The following STRBP variants were observed in gnomAD, a reference collection of about 807,000 sequenced individuals.
STRBP encodes spermatid perinuclear RNA-binding protein.
In STRBP, 13 loss-of-function variants were observed where a neutral mutation model predicts 80.1. The observed-to-expected ratio is 0.16, with a 90% CI of 0.11 to 0.26. The LOEUF is 0.26. STRBP is among the 10% of genes least tolerant of loss of function. The pLI is 1.00. For missense variants in STRBP, 485 were observed against 815.2 expected, an observed-to-expected ratio of 0.59 and a Z score of 4.93; for synonymous variants, 284 against 291.2, an observed-to-expected ratio of 0.98 and a Z score of 0.25.
intron 2 of STRBP, among the ~76,000 whole-genome samples, chr9:123,208,977 C>T (rs534470557): frequency 6.6e-6 from 1 of 152,292 alleles, no homozygotes; most frequent in Admixed American, 6.5e-5. Context: ...GGTTAGGTGA[C>T]ATGCTCTGCT....
chr9:123,116,921 T>A (rs1392459094), downstream of STRBP, among the ~76,000 whole-genome samples: 2 of 152,240 alleles, frequency 1.3e-5, no homozygotes, highest in African/African-American at 4.8e-5. Flanking sequence ...AGGGCTGCTG[T>A]TACCTCTAAA....
At chr9:123,179,705 C>G (rs1023801118) in intron 3 of STRBP, among the ~76,000 whole-genome samples, 1 of 152,152 alleles carries the variant, frequency 6.6e-6, no homozygotes, top group African/African-American at 2.4e-5. Context: ...GATCACACCA[C>G]TGCATTCCAG....
chr9:123,178,943 C>T (rs981023921), intron 4 of STRBP, 64 bp downstream of exon 4: 13 of 1,507,258 alleles, frequency 8.6e-6, no homozygotes, highest in East Asian at 4.6e-5. Flanking sequence ...ACACTCAATC[C>T]AGCAGACCTT....
chr9:123,112,127 C>A (rs1439935530), intron 3 of STRBP: 1 of 167,004 alleles, frequency 6.0e-6, no homozygotes, highest in Admixed American at 6.5e-5. Flanking sequence ...GTAGCCCTCG[C>A]CTCCTGACTC....
At chr9:123,137,189 ATAAT>A (rs1330147249) in intron 14 of STRBP, among the ~76,000 whole-genome samples, 1 of 152,226 alleles carries the variant, frequency 6.6e-6, no homozygotes, top group African/African-American at 2.4e-5. Context: ...AAGTAGTGAA[ATAAT>A]TCATGCAAGA....
chr9:123,202,305 T>C (rs1373701362), intron 2 of STRBP, among the ~76,000 whole-genome samples: 1 of 152,246 alleles, frequency 6.6e-6, no homozygotes. Context: ...TATAATTGTT[T>C]TACAGATCCT....
rs897019275 is a variant in STRBP at position 123,124,244 on chromosome 9, A to G, written c.*1353T>C. 1.3e-5 allele frequency: 13 copies of G among 985,448 alleles called. No homozygotes were observed. Among genetic ancestry groups the G allele is most frequent in the Non-Finnish European group, 1.6e-5 (13 of 829,930 alleles). 61.0% of individuals were successfully genotyped at this position (985,448 alleles called of 1,614,324 possible). A position where few individuals can be genotyped will look rare whatever the true frequency, so the allele number is the denominator to read the frequency against. ...ATGAAAGCTAATTCATACTAAAAAC[A>G]GACATTTTTAAGACATGGTGCCTTA... On this transcript the variant is annotated 3_prime_UTR_variant, in exon 19 of 19. Transcript: ENST00000348403.
chr9:123,153,206 T>C (rs1384986152), intron 11 of STRBP, among the ~76,000 whole-genome samples: 1 of 151,502 alleles, frequency 6.6e-6, no homozygotes, highest in Non-Finnish European at 1.5e-5. Flanking sequence ...TTTTTTTTTT[T>C]CTGAGACAGA....
chr9:123,114,753 T>A (rs1048604448), intron 3 of STRBP: 1 of 203,852 alleles, frequency 4.9e-6, no homozygotes, highest in Non-Finnish European at 1.1e-5. Context: ...GTTCCCTCTA[T>A]TGCCCACTGA....
intron 3 of STRBP, chr9:123,180,804 T>C (rs2038425906): frequency 2.3e-6 from 1 of 444,234 alleles, no homozygotes; most frequent in Non-Finnish European, 3.0e-6. Flanking sequence ...AAGGATAACT[T>C]AGTGAGTTTT....
rs924227376 is a variant in STRBP at position 123,123,478 on chromosome 9, C to T, written c.*2119G>A. On this transcript the variant is annotated 3_prime_UTR_variant, in exon 19 of 19. Coordinates refer to ENST00000348403, the MANE Select transcript of STRBP (RefSeq NM_018387.5). ...TAAAGCAGAGAAATGTAAAAGTTTGCAGCAACTGGGCAGGTTTACAACATG... is the reference window on the plus strand; with the variant it reads ...TAAAGCAGAGAAATGTAAAAGTTTGTAGCAACTGGGCAGGTTTACAACATG... The T allele has an allele frequency of 1.0e-6, 1 of 984,118 alleles. No individual in the cohort carries two copies. Among genetic ancestry groups the T allele is most frequent in the Non-Finnish European group, 1.2e-6 (1 of 829,798 alleles). The allele number at this position is 984,118 out of a possible 1,614,324, so 61.0% of individuals were successfully genotyped here.
chr9:123,223,059 A>ATAGG (rs2040119388), intron 2 of STRBP, among the ~76,000 whole-genome samples: 2 of 145,328 alleles, frequency 1.4e-5, no homozygotes, highest in South Asian at 4.5e-4. Context: ...TGATAGATAG[A>ATAGG]TAGATAGATA....
chr9:123,173,786 C>G lies in STRBP; in HGVS notation c.281G>C (p.Gly94Ala). 1 of 1,613,876 alleles carries G rather than the reference C, an allele frequency of 6.2e-7. No homozygotes were observed. The highest frequency in any genetic ancestry group is 8.5e-7 in the Non-Finnish European group (1 of 1,179,896). ...GVMRIGLVAK[G>A]LLIKDDMDLE... ...GTCCATATCATCTTTAATCAGCAAGCCTTTTGCAACCAGGCCAATCCTCAT... is the reference window on the plus strand; with the variant it reads ...GTCCATATCATCTTTAATCAGCAAGGCTTTTGCAACCAGGCCAATCCTCAT... The change falls in exon 5 of 19, where the codon GGC becomes GCC. Residue 94 changes from glycine to alanine, a missense_variant. Physicochemically the swap from Gly to Ala is moderately conservative, Grantham distance 60. Transcript: ENST00000348403.
intron 1 of STRBP, among the ~76,000 whole-genome samples, chr9:123,258,800 CAAA>C (rs56654612): frequency 4.3e-4 from 43 of 101,064 alleles, no homozygotes; most frequent in East Asian, 4.2e-3. Context: ...GACTCCGTCT[CAAA>C]AAAAAAAAAA....
chr9:123,166,892 G>C (rs563655552), intron 6 of STRBP, among the ~76,000 whole-genome samples: 1 of 152,294 alleles, frequency 6.6e-6, no homozygotes, highest in African/African-American at 2.4e-5. Flanking sequence ...TATTCTACAG[G>C]GCGTTCAAGT....
intron 1 of STRBP, among the ~76,000 whole-genome samples, chr9:123,243,907 T>C (rs1029897912): frequency 6.6e-6 from 1 of 152,214 alleles, no homozygotes; most frequent in African/African-American, 2.4e-5. Flanking sequence ...ACAATAGGAA[T>C]TGTGCTCCTA....
Position 123,264,538 on chromosome 9 carries a change from C to A in STRBP, c.-302+3898G>T, listed in dbSNP as rs576466654. Among the ~76,000 whole-genome samples the A allele has an allele frequency of 2.6e-4, 40 of 152,336 alleles. No individual in the cohort carries two copies. In the Middle Eastern group the frequency reaches 0.01, roughly 39 times the overall value. ...TAAGTAACATCTATCCCCGTATTTA[C>A]GTAGCTCCAGTCTTCCCGAAAGACT... On this transcript the variant is annotated intron_variant, in intron 1 of 18. Transcript: ENST00000348403.
intron 13 of STRBP, among the ~76,000 whole-genome samples, chr9:123,139,956 T>A (rs1196610673): frequency 6.6e-6 from 1 of 152,182 alleles, no homozygotes; most frequent in Non-Finnish European, 1.5e-5. Flanking sequence ...TCCTAGTTCA[T>A]TTAATTTGGA....
chr9:123,228,308 G>C (rs1051371462), intron 2 of STRBP, among the ~76,000 whole-genome samples: 4 of 152,196 alleles, frequency 2.6e-5, no homozygotes, highest in African/African-American at 7.2e-5. Context: ...CTAGGTTAGA[G>C]ATATCAACTT....
Sources: allele counts gnomAD v4.1 joint callset (sites outside exome capture counted in the v4.1 genomes callset), GRCh38; gene constraint gnomAD v4.1.1; transcripts MANE v1.5; gene names NCBI Gene and HGNC (gene_info 2026-07-23, HGNC 2026-07-21).